Variants in UNC79 observed in about 807,000 individuals in gnomAD.
UNC79 encodes unc-79 subunit of NALCN channel complex.
In UNC79, 37 loss-of-function variants were observed where a neutral mutation model predicts 283.1. The observed-to-expected ratio is 0.13, with a 90% CI of 0.10 to 0.17. UNC79 has a LOEUF of 0.17. UNC79 is among the 10% of genes least tolerant of loss of function. The probability of loss-of-function intolerance (pLI) is 1.00; values close to 1 mark genes in which losing one functional copy is unlikely to be tolerated. For missense variants in UNC79, 2,272 were observed against 3,211.1 expected (o/e 0.71, Z 7.07); for synonymous variants, 1,107 against 1,200.2 (o/e 0.92, Z 1.61).
chr14:93,698,476 G>GTTTTT (rs71129655), intron 47 of UNC79, among the ~76,000 whole-genome samples: 799 of 79,086 alleles, frequency 0.01, 199 homozygotes, highest in Middle Eastern at 0.017. Flanking sequence ...TTTAGTTTAG[G>GTTTTT]TTTTTTTTTT....
At chr14:93,539,528 T>C (rs2061273472) in intron 12 of UNC79, among the ~76,000 whole-genome samples, 1 of 151,598 alleles carries the variant, frequency 6.6e-6, no homozygotes, top group African/African-American at 2.4e-5. Flanking sequence ...CTCAAAAAAA[T>C]AAATTAAAAA....
chr14:93,445,506 T>G (rs2056435859), intron 1 of UNC79, among the ~76,000 whole-genome samples: 1 of 152,212 alleles, frequency 6.6e-6, no homozygotes, highest in South Asian at 2.1e-4. Context: ...GGATTCAGTT[T>G]TCTAATGTTT....
intron 1 of UNC79, among the ~76,000 whole-genome samples, chr14:93,416,079 C>G (rs2055447825): frequency 6.8e-6 from 1 of 146,568 alleles, no homozygotes; most frequent in South Asian, 2.2e-4. Flanking sequence ...AATGTGTTTG[C>G]TCTTGCTTTT....
chr14:93,474,235 C>T lies in UNC79; in HGVS notation c.290C>T (p.Ser97Phe). ...TCCATCAACCCTACTGTTACTCGCT[C>T]CCTCCTTTACAGCGTCCTGCGAGAT... The change falls in exon 3 of 49, where the codon TCC (serine) becomes TTC (phenylalanine). Residue 97 changes from serine (S) to phenylalanine (F), a missense_variant. Ser to Phe is a radical substitution (Grantham distance 155, BLOSUM62 -2). Transcript: ENST00000555664. This position sits in a 1 kb window ranked among gnomAD's most constrained non-coding sequence, Gnocchi z 4.1. The T allele has an allele frequency of 6.5e-7, 1 of 1,536,102 alleles. No individual in the cohort carries two copies. Among genetic ancestry groups the T allele is most frequent in the Non-Finnish European group, 8.7e-7 (1 of 1,146,888 alleles).
In UNC79 at chr14:93,351,976, A is replaced by G. The variant is rs147918870; in HGVS notation, c.-351+18453A>G. ...TTACAGTCTTCACAGAAACACCTAAATGGTATTTGACCAGATACCTGGGAA... is the reference window on the plus strand; with the variant it reads ...TTACAGTCTTCACAGAAACACCTAAGTGGTATTTGACCAGATACCTGGGAA... On this transcript the variant is annotated intron_variant, in intron 1 of 49. Transcript: ENST00000256339. Among the ~76,000 whole-genome samples the G allele has an allele frequency of 4.3e-3, 654 of 152,322 alleles. 5 individuals carry two copies. Among genetic ancestry groups the G allele is most frequent in the African/African-American group, 0.015 (616 of 41,580 alleles).
rs369416306 is a variant in UNC79, at chr14:93,563,497, C to T, written c.1756-8397C>T. 1.4e-4 allele frequency among the ~76,000 whole-genome samples: 22 copies of T among 152,232 alleles called. No homozygotes were observed. The East Asian group carries it at 3.1e-3, about 21-fold the overall frequency. On this transcript the variant is annotated intron_variant, in intron 14 of 48. Transcript: ENST00000555664. ...TTTAGAGTCAGTATAAATATTGATGCGTAGTCCCTTTGCAATAGTGAGGGC... is the reference window on the plus strand; with the variant it reads ...TTTAGAGTCAGTATAAATATTGATGTGTAGTCCCTTTGCAATAGTGAGGGC...
intron 20 of UNC79, among the ~76,000 whole-genome samples, chr14:93,583,960 C>T (rs568143733): frequency 2.0e-5 from 3 of 152,236 alleles, no homozygotes; most frequent in Non-Finnish European, 4.4e-5. Context: ...CATGCTCCAC[C>T]ATGCCCGGCT....
intron 11 of UNC79, among the ~76,000 whole-genome samples, chr14:93,537,471 T>G (rs1392944552): frequency 6.6e-6 from 1 of 152,214 alleles, no homozygotes; most frequent in Non-Finnish European, 1.5e-5. Context: ...GAATGCAGCA[T>G]CTACCTGTCC....
At chr14:93,565,157 C>T (rs2141493641) in intron 14 of UNC79, among the ~76,000 whole-genome samples, 1 of 152,334 alleles carries the variant, frequency 6.6e-6, no homozygotes, top group African/African-American at 2.4e-5. Context: ...AAGTCCCTCC[C>T]CCGGTTCCTG....
intron 1 of UNC79, among the ~76,000 whole-genome samples, chr14:93,414,319 C>A (rs1237669139): frequency 1.3e-5 from 2 of 152,134 alleles, no homozygotes; most frequent in East Asian, 3.8e-4. Context: ...TCAGGTTTGT[C>A]AAAGATCAGA....
intron 1 of UNC79, among the ~76,000 whole-genome samples, chr14:93,370,599 C>T (rs549261660): frequency 6.2e-4 from 94 of 152,062 alleles, no homozygotes; most frequent in Non-Finnish European, 1.0e-3. Context: ...GGTGAAACCC[C>T]GTCTCTACTA....
At chr14:93,405,197 C>T (rs919851253) in intron 1 of UNC79, among the ~76,000 whole-genome samples, 2 of 151,456 alleles carry the variant, frequency 1.3e-5, no homozygotes, top group Admixed American at 6.6e-5. Flanking sequence ...GTAGGAAAAT[C>T]GCTTGAACCT....
chr14:93,706,637 C>T (rs1022914162), intron 48 of UNC79, 67 bp from the exon 52 acceptor site: 21 of 1,584,810 alleles, frequency 1.3e-5, no homozygotes, highest in Admixed American at 6.8e-5. Context: ...AGAAGCCGCC[C>T]GGGTCGACAC....
chr14:93,584,633 T>TA (rs2064082941), intron 20 of UNC79, among the ~76,000 whole-genome samples: 3 of 152,332 alleles, frequency 2.0e-5, no homozygotes, highest in Admixed American at 2.0e-4. Flanking sequence ...ACAGATCAAT[T>TA]AACTGCTGCT....
chr14:93,656,116 C>T (rs1261104264), intron 38 of UNC79, among the ~76,000 whole-genome samples: 1 of 152,226 alleles, frequency 6.6e-6, no homozygotes, highest in Non-Finnish European at 1.5e-5. Flanking sequence ...GGTTTTCTGA[C>T]TCACAGTCCA....
At chr14:93,498,338 C>T (rs891270483) in intron 7 of UNC79, among the ~76,000 whole-genome samples, 19 of 151,704 alleles carry the variant, frequency 1.3e-4, no homozygotes, top group African/African-American at 4.6e-4. Context: ...CCTGTAATCC[C>T]AGCAGTTCGG....
Position 93,538,231 on chromosome 14 carries a change from TTC to T in UNC79, c.1352+15_1352+16del. 1 of 1,547,560 alleles carries T rather than the reference TTC, an allele frequency of 6.5e-7. No individual in the cohort carries two copies. Among genetic ancestry groups the T allele is most frequent in the Non-Finnish European group, 8.7e-7 (1 of 1,145,834 alleles). On this transcript the variant is annotated intron_variant, in intron 12 of 48. Transcript: ENST00000555664. ...AAGCCGTGATCAGGTAACACGCAGT[TTC>T]TTAGTAGCTGCCTCTGACAACTCCA...
chr14:93,347,329 G>A (rs778511101), intron 1 of UNC79: 7 of 1,602,726 alleles, frequency 4.4e-6, no homozygotes, highest in Non-Finnish European at 5.9e-6. Context: ...GGCCCTGCTC[G>A]GCCTGCAGCC....
At chr14:93,367,716 TC>T in intron 1 of UNC79, among the ~76,000 whole-genome samples, 1 of 152,340 alleles carries the variant, frequency 6.6e-6, no homozygotes, top group Middle Eastern at 3.4e-3. Context: ...CCTGTGTTAG[TC>T]CCTTGTCTTG....
Sources: gnomAD v4.1 joint callset for allele counts (sites outside exome capture counted in the v4.1 genomes callset) on GRCh38, gnomAD v4.1.1 for gene constraint, Gnocchi (gnomAD v3.1) non-coding constraint, MANE v1.5 for transcripts, NCBI Gene and HGNC (gene_info 2026-07-23, HGNC 2026-07-21) for gene names.